DLG2: variants seen among roughly 807,000 people sequenced by gnomAD.
DLG2 encodes the protein discs large MAGUK scaffold protein 2.
DLG2 carries 45 observed loss-of-function variants against 132.5 expected under a neutral mutation model. That is an observed-to-expected ratio of 0.34 (90% CI 0.27 to 0.44). The LOEUF (loss-of-function observed/expected upper bound fraction) is 0.44, where lower values mean the gene tolerates loss of function less well. Among genes scored for constraint, DLG2 ranks in the 20% least tolerant of loss-of-function variants. The pLI is 1.00. For missense variants in DLG2, 1,045 were observed against 1,196.9 expected (o/e 0.87, Z 1.87); for synonymous variants, 424 against 419.6 (o/e 1.01, Z -0.13).
chr11:84,064,337 A>T (rs1298795794), intron 10 of DLG2, among the ~76,000 whole-genome samples: 2 of 152,228 alleles, frequency 1.3e-5, no homozygotes, highest in South Asian at 4.1e-4. Context: ...CGCTTTAAAA[A>T]GCACATTTCT....
intron 20 of DLG2, among the ~76,000 whole-genome samples, chr11:83,539,768 C>T (rs113038070): frequency 0.014 from 2,087 of 152,128 alleles, 53 homozygotes; most frequent in African/African-American, 0.048. Context: ...CAGCTATACT[C>T]TGGTTGTTAA....
intron 16 of DLG2, among the ~76,000 whole-genome samples, 174 bp downstream of exon 16, chr11:83,874,246 G>GGGAAGGAAGGAGAGAGGGAA (rs1555101644): frequency 6.9e-6 from 1 of 144,084 alleles, no homozygotes; most frequent in Non-Finnish European, 1.5e-5. Context: ...AAAGAAAGAA[G>GGGAAGGAAGGAGAGAGGGAA]GGAAGGAAGG....
intron 15 of DLG2, among the ~76,000 whole-genome samples, chr11:83,881,142 A>C (rs369831889): frequency 6.6e-6 from 1 of 152,218 alleles, no homozygotes; most frequent in South Asian, 2.1e-4. Flanking sequence ...ATGTGTTCAG[A>C]TCAGGGAAGA....
intron 18 of DLG2, among the ~76,000 whole-genome samples, chr11:83,701,241 T>C (rs1307061759): frequency 3.3e-5 from 5 of 152,146 alleles, no homozygotes; most frequent in African/African-American, 9.7e-5. Flanking sequence ...TGAGTAACTT[T>C]GGCAAGTTAC....
intron 3 of DLG2, among the ~76,000 whole-genome samples, chr11:85,399,578 C>A (rs960015173): frequency 2.6e-5 from 4 of 151,986 alleles, no homozygotes; most frequent in Non-Finnish European, 5.9e-5. Flanking sequence ...GGTACTAAAA[C>A]AGACATATAG....
intron 8 of DLG2, among the ~76,000 whole-genome samples, chr11:84,196,448 TA>T (rs1166423454): frequency 6.6e-6 from 1 of 152,086 alleles, no homozygotes; most frequent in African/African-American, 2.4e-5. Flanking sequence ...GAAAGACAAT[TA>T]AAAAGCCAGT....
intron 10 of DLG2, among the ~76,000 whole-genome samples, chr11:84,075,022 T>C (rs1457913387): frequency 2.0e-5 from 3 of 152,144 alleles, no homozygotes; most frequent in Non-Finnish European, 2.9e-5. Flanking sequence ...TCGTCTACCA[T>C]TGTGCCCTAC....
At chr11:84,560,055 TCACAGGAATAAATTCAGCCTAA>T (rs1398586363) in intron 6 of DLG2, among the ~76,000 whole-genome samples, 1 of 152,086 alleles carries the variant, frequency 6.6e-6, no homozygotes, top group East Asian at 1.9e-4. Context: ...TGTTGGGAAA[TCACAGGAATAAATTCAGCCTAA>T]CAGGTTTTGC....
At chr11:85,198,931 C>T (rs2081253224) in intron 4 of DLG2, among the ~76,000 whole-genome samples, 2 of 152,228 alleles carry the variant, frequency 1.3e-5, no homozygotes, top group Middle Eastern at 3.4e-3. Flanking sequence ...CTCTGTTATC[C>T]TAATTCACCC....
At chr11:84,642,357 A>T (rs775901577) in intron 6 of DLG2, among the ~76,000 whole-genome samples, 3 of 151,942 alleles carry the variant, frequency 2.0e-5, no homozygotes, top group Non-Finnish European at 4.4e-5. Flanking sequence ...TTTCCTACCT[A>T]AATTGCATAG....
Position 85,098,283 on chromosome 11 carries a change from T to C in DLG2, c.357+13378A>G, listed in dbSNP as rs151151454. Among the ~76,000 whole-genome samples the C allele has an allele frequency of 4.1e-3, 620 of 152,314 alleles. 2 individuals are homozygous for C. Among genetic ancestry groups the C allele is most frequent in the African/African-American group, 0.014 (573 of 41,568 alleles). ...AAGAATAAAACCTAAGTACCTTGAT[T>C]CTACAGTTTGGTGACAGAGAGGATT... On this transcript the variant is annotated intron_variant, in intron 6 of 27. Transcript: ENST00000376104.
At chr11:84,528,797 C>G (rs2099328529) in intron 7 of DLG2, among the ~76,000 whole-genome samples, 1 of 152,108 alleles carries the variant, frequency 6.6e-6, no homozygotes. Context: ...AGAAAATAAC[C>G]CATTAGATTT....
intron 3 of DLG2, among the ~76,000 whole-genome samples, chr11:85,577,442 G>A (rs2078223494): frequency 1.3e-5 from 2 of 152,076 alleles, no homozygotes; most frequent in Admixed American, 1.3e-4. Flanking sequence ...TGAGTAAACT[G>A]GATAAATGAT....
intron 18 of DLG2, chr11:83,681,695 T>A (rs1341165265): frequency 6.6e-6 from 1 of 152,198 alleles, no homozygotes; most frequent in Non-Finnish European, 1.5e-5. Flanking sequence ...CACAAAAGAT[T>A]GCAATTTGAA....
chr11:84,345,842 G>A (rs1452375085), intron 7 of DLG2, among the ~76,000 whole-genome samples: 1 of 152,076 alleles, frequency 6.6e-6, no homozygotes, highest in African/African-American at 2.4e-5. Context: ...GCTGATAATT[G>A]CTTTTCTGCT....
At chr11:84,457,813 C>A (rs2099069408) in intron 7 of DLG2, among the ~76,000 whole-genome samples, 1 of 150,816 alleles carries the variant, frequency 6.6e-6, no homozygotes, top group African/African-American at 2.4e-5. Context: ...TGATTAAATA[C>A]AACAAATCTC....
intron 4 of DLG2, among the ~76,000 whole-genome samples, chr11:85,220,603 A>G (rs1196609449): frequency 6.6e-6 from 1 of 151,168 alleles, no homozygotes; most frequent in Non-Finnish European, 1.5e-5. Flanking sequence ...TTGAGCTCCT[A>G]AGAGACAAGT....
chr11:84,161,135 G>T (rs2154260623), intron 9 of DLG2, among the ~76,000 whole-genome samples: 1 of 152,316 alleles, frequency 6.6e-6, no homozygotes, highest in East Asian at 1.9e-4. Context: ...ATGGAGTGAA[G>T]AGGAAAGTGT....
chr11:83,887,260 A>T (rs2068185198), intron 15 of DLG2, among the ~76,000 whole-genome samples: 2 of 152,010 alleles, frequency 1.3e-5, no homozygotes, highest in South Asian at 4.2e-4. Context: ...AAAATGATAA[A>T]GGGGATATCA....
Sources: allele counts gnomAD v4.1 joint callset (sites outside exome capture counted in the v4.1 genomes callset), GRCh38; gene constraint gnomAD v4.1.1; transcripts MANE v1.5; gene names NCBI Gene and HGNC (gene_info 2026-07-23, HGNC 2026-07-21).